The following PPARGC1B variants were observed in gnomAD, a reference collection of about 807,000 sequenced individuals.
PPARGC1B encodes peroxisome proliferator-activated receptor gamma coactivator 1-beta.
PPARGC1B carries 34 observed loss-of-function variants against 101.6 expected under a neutral mutation model. That is an observed-to-expected ratio of 0.33 (90% confidence interval 0.25 to 0.45). The LOEUF (loss-of-function observed/expected upper bound fraction) is 0.45. Among genes scored for constraint, PPARGC1B ranks in the 20% least tolerant of loss-of-function variants. The probability of loss-of-function intolerance (pLI) is 1.00; values close to 1 mark genes in which losing one functional copy is unlikely to be tolerated. For missense variants in PPARGC1B, 1,234 were observed against 1,317.6 expected (o/e 0.94, Z 0.98); for synonymous variants, 548 against 539.3 (o/e 1.02, Z -0.22).
At chr5:149,771,363 T>C (rs963941356) in intron 1 of PPARGC1B, among the ~76,000 whole-genome samples, 4 of 152,140 alleles carry the variant, frequency 2.6e-5, no homozygotes, top group African/African-American at 9.7e-5. Flanking sequence ...CCCAAAGGCA[T>C]CTGCAGCCCA....
intron 1 of PPARGC1B, among the ~76,000 whole-genome samples, chr5:149,810,975 C>T (rs1757832350): frequency 6.6e-6 from 1 of 152,096 alleles, no homozygotes; most frequent in Admixed American, 6.6e-5. Context: ...CAGTAGTCAC[C>T]TTCTTATCTA....
At chr5:149,770,521 C>G (rs1756088265) in intron 1 of PPARGC1B, among the ~76,000 whole-genome samples, 1 of 152,206 alleles carries the variant, frequency 6.6e-6, no homozygotes, top group Non-Finnish European at 1.5e-5. Flanking sequence ...AGTAACTTAA[C>G]CTCTTAGGCT....
chr5:149,744,803 C>G (rs1054393998), intron 1 of PPARGC1B, among the ~76,000 whole-genome samples: 1 of 151,998 alleles, frequency 6.6e-6, no homozygotes, highest in Admixed American at 6.6e-5. Context: ...GTTTGTAGCT[C>G]GGCATTAGAT....
chr5:149,771,432 A>AG (rs558263772), intron 1 of PPARGC1B, among the ~76,000 whole-genome samples: 75 of 152,316 alleles, frequency 4.9e-4, no homozygotes, highest in Non-Finnish European at 9.0e-4. Flanking sequence ...GAACTGCTGG[A>AG]GGAGGGCCAG....
intron 1 of PPARGC1B, among the ~76,000 whole-genome samples, chr5:149,779,396 GAAACCCCCAT>G (rs1362170066): frequency 6.6e-6 from 1 of 152,164 alleles, no homozygotes; most frequent in Non-Finnish European, 1.5e-5. Context: ...GCCAAGTTTT[GAAACCCCCAT>G]CTTCACAAAG....
Position 149,832,738 on chromosome 5 carries a change from C to A in PPARGC1B, c.665C>A (p.Ser222Ter). 1 of 1,609,334 alleles carries A rather than the reference C, an allele frequency of 6.2e-7. No homozygotes were observed. The highest frequency in any genetic ancestry group is 8.5e-7 in the Non-Finnish European group (1 of 1,177,028). ...ACAGAACTACATAAGCACCTCACCTCGGCACAGTGCTGCCTGCAGGATCGG... is the reference window on the plus strand; with the variant it reads ...ACAGAACTACATAAGCACCTCACCTAGGCACAGTGCTGCCTGCAGGATCGG... ...SCTELHKHLT[S>*]AQCCLQDRGL... is the part of the protein sequence containing the mutation. The change falls in exon 5 of 12, where the codon TCG (serine) becomes TAG (stop). Residue 222 changes from serine to a stop codon, truncating the protein, a stop_gained. Coordinates refer to ENST00000309241, the MANE Select transcript of PPARGC1B (RefSeq NM_133263.4). LOFTEE classifies it high-confidence loss of function. This position sits in a 1 kb window ranked among gnomAD's most constrained non-coding sequence, Gnocchi z 4.9.
At chr5:149,788,807 T>C (rs920504767) in intron 1 of PPARGC1B, among the ~76,000 whole-genome samples, 7 of 152,200 alleles carry the variant, frequency 4.6e-5, no homozygotes, top group African/African-American at 1.4e-4. Context: ...ACCATCATTC[T>C]GAGCAAACTA....
rs1297250889 is a variant in PPARGC1B at position 149,851,285 on chromosome 5, G to T, written c.*3727G>T. ...CACTGGGGCTGCTGTGCAGTGGTGA[G>T]TAAAAGGGCAGGGAAGGCATGGACA... On this transcript the variant is annotated 3_prime_UTR_variant, in exon 12 of 12. Transcript: ENST00000309241. 6.6e-6 allele frequency: 1 copy of T among 152,248 alleles called. No homozygotes were observed. The highest frequency in any genetic ancestry group is 1.5e-5 in the Non-Finnish European group (1 of 68,080). The allele number at this position is 152,248 out of a possible 1,614,324, so 9.4% of individuals were successfully genotyped here. A position where few individuals can be genotyped will look rare whatever the true frequency, so the allele number is the denominator to read the frequency against.
At position 149,788,754 on chromosome 5, in the gene PPARGC1B, G is replaced by T. The variant is rs377608071; in HGVS notation, c.79-31679G>T. On this transcript the variant is annotated intron_variant, in intron 1 of 11. Transcript: ENST00000309241. Reference sequence around the variant, plus strand: ...TGGAATACTATGCAGCCATAAAAAAGGATGAGTTCATGTCCTTTGTAGGGA... The same window carrying T: ...TGGAATACTATGCAGCCATAAAAAATGATGAGTTCATGTCCTTTGTAGGGA... Among the ~76,000 whole-genome samples, 555 of 152,176 alleles carry T rather than the reference G, an allele frequency of 3.6e-3. 6 individuals carry two copies. The highest frequency in any genetic ancestry group is 0.013 in the African/African-American group (536 of 41,510).
At chr5:149,766,794 TG>T (rs1334598779) in intron 1 of PPARGC1B, among the ~76,000 whole-genome samples, 12 of 152,366 alleles carry the variant, frequency 7.9e-5, no homozygotes, top group Non-Finnish European at 1.5e-5. Context: ...TCCTCCTCAC[TG>T]CTCCCTGTCC....
intron 1 of PPARGC1B, among the ~76,000 whole-genome samples, chr5:149,794,793 C>T (rs1377864859): frequency 1.3e-5 from 2 of 152,368 alleles, no homozygotes; most frequent in Non-Finnish European, 2.9e-5. Flanking sequence ...AGCTGCCTCT[C>T]AGCCCGCTGC....
At chr5:149,781,696 G>A (rs1043858714) in intron 1 of PPARGC1B, among the ~76,000 whole-genome samples, 3 of 152,174 alleles carry the variant, frequency 2.0e-5, no homozygotes, top group African/African-American at 7.2e-5. Flanking sequence ...TTAGTCTTGG[G>A]AGCAACAGAA....
At chr5:149,804,884 C>T (rs1757542078) in intron 1 of PPARGC1B, among the ~76,000 whole-genome samples, 1 of 152,106 alleles carries the variant, frequency 6.6e-6, no homozygotes, top group South Asian at 2.1e-4. Flanking sequence ...TGGGAGAGTC[C>T]AGGAGGTGGT....
At chr5:149,773,648 C>T (rs1444063260) in intron 1 of PPARGC1B, among the ~76,000 whole-genome samples, 1 of 152,220 alleles carries the variant, frequency 6.6e-6, no homozygotes, top group African/African-American at 2.4e-5. Flanking sequence ...TAGTTACGCA[C>T]TGAGAATGTG....
chr5:149,830,728 G>T, intron 3 of PPARGC1B, 39 bp from the exon 4 acceptor site: 1 of 1,497,936 alleles, frequency 6.7e-7, no homozygotes, highest in Non-Finnish European at 9.3e-7. Context: ...TCTGGCTGTG[G>T]CTCAGCCCCG....
At chr5:149,751,737 T>C (rs1006228511) in intron 1 of PPARGC1B, among the ~76,000 whole-genome samples, 2 of 151,308 alleles carry the variant, frequency 1.3e-5, no homozygotes, top group Non-Finnish European at 3.0e-5. Context: ...AGAAAACTAA[T>C]CCCAGCACCC....
chr5:149,754,752 C>A (rs1755441419), intron 1 of PPARGC1B, among the ~76,000 whole-genome samples: 1 of 146,178 alleles, frequency 6.8e-6, no homozygotes. Context: ...TGGCAACCTG[C>A]AGTTTCTTCC....
chr5:149,776,960 C>CCT, intron 1 of PPARGC1B, among the ~76,000 whole-genome samples: 1 of 152,238 alleles, frequency 6.6e-6, no homozygotes, highest in African/African-American at 2.4e-5. Context: ...TCCTTCCCCA[C>CCT]CCTCAGCCCA....
Position 149,833,527 on chromosome 5 carries a change from A to G in PPARGC1B, c.1454A>G (p.Glu485Gly). ...CGGCGTTCTCGGAGACTGAACCCTG[A>G]GCTGGGCCCCTGGCTGACATTTGCA... is the stretch of plus-strand genomic sequence containing the variant. ...PVRRSRRLNP[E>G]LGPWLTFADE... Residue 485 changes from glutamate (E) to glycine (G), a missense_variant, in exon 5 of 12, where the codon GAG becomes GGG. Physicochemically the swap from Glu to Gly is moderately conservative, Grantham distance 98. Coordinates refer to ENST00000309241, the MANE Select transcript of PPARGC1B (RefSeq NM_133263.4). This position sits in a 1 kb window ranked among gnomAD's most constrained non-coding sequence, Gnocchi z 4.1. 1 of 1,570,950 alleles carries G rather than the reference A, an allele frequency of 6.4e-7. No homozygotes were observed. The highest frequency in any genetic ancestry group is 8.6e-7 in the Non-Finnish European group (1 of 1,158,140).
Sources: allele counts gnomAD v4.1 joint callset (sites outside exome capture counted in the v4.1 genomes callset), GRCh38; gene constraint gnomAD v4.1.1; non-coding constraint Gnocchi (gnomAD v3.1); transcripts MANE v1.5; gene names NCBI Gene and HGNC (gene_info 2026-07-23, HGNC 2026-07-21).